CCSER1: variants seen among roughly 807,000 people sequenced by gnomAD.
The protein encoded by CCSER1 is serine-rich coiled-coil domain-containing protein 1.
In CCSER1, 41 loss-of-function variants were observed where a neutral mutation model predicts 82.0. The observed-to-expected ratio is 0.50, with a 90% CI of 0.39 to 0.65. The LOEUF (loss-of-function observed/expected upper bound fraction) is 0.65, where lower values mean the gene tolerates loss of function less well. Among genes scored for constraint, CCSER1 ranks in the 30% least tolerant of loss-of-function variants. The pLI is 0.00. For synonymous variants in CCSER1, 414 were observed against 383.9 expected (o/e 1.08, Z -0.92); for missense variants, 1,119 against 1,064.2 (o/e 1.05, Z -0.72).
intron 10 of CCSER1, among the ~76,000 whole-genome samples, chr4:91,540,502 G>T (rs1411226720): frequency 6.6e-6 from 1 of 152,020 alleles, no homozygotes; most frequent in Non-Finnish European, 1.5e-5. Context: ...CGAATGTGAG[G>T]CTTCTCTTTT....
intron 10 of CCSER1, among the ~76,000 whole-genome samples, chr4:91,131,952 A>T (rs1009121873): frequency 5.3e-5 from 8 of 151,858 alleles, no homozygotes; most frequent in Non-Finnish European, 1.2e-4. Context: ...ATACACCTTA[A>T]CTTCAAAATG....
chr4:90,151,682 T>G (rs1726880590), intron 1 of CCSER1, among the ~76,000 whole-genome samples: 1 of 152,146 alleles, frequency 6.6e-6, no homozygotes, highest in South Asian at 2.1e-4. Context: ...ATATTTTTAT[T>G]AAAACATAAT....
At chr4:91,353,738 G>A (rs367716248) in intron 10 of CCSER1, among the ~76,000 whole-genome samples, 106 of 151,832 alleles carry the variant, frequency 7.0e-4, no homozygotes, top group Middle Eastern at 3.4e-3. Flanking sequence ...CTAAGGTAGC[G>A]ATGAAGTTTT....
At chr4:90,134,869 A>G (rs948357504) in intron 1 of CCSER1, among the ~76,000 whole-genome samples, 1 of 152,202 alleles carries the variant, frequency 6.6e-6, no homozygotes, top group Non-Finnish European at 1.5e-5. Flanking sequence ...CATAGAAGTA[A>G]ATGGACAGAA....
intron 1 of CCSER1, among the ~76,000 whole-genome samples, chr4:90,277,384 C>T (rs1039643751): frequency 2.8e-4 from 42 of 151,996 alleles, no homozygotes; most frequent in African/African-American, 9.4e-4. Flanking sequence ...AAGCCAGAGG[C>T]CACACATTAC....
chr4:91,201,145 C>G (rs1193568231), intron 10 of CCSER1, among the ~76,000 whole-genome samples: 1 of 151,972 alleles, frequency 6.6e-6, no homozygotes, highest in Non-Finnish European at 1.5e-5. Context: ...ATGGTGCTCC[C>G]TACATAACTA....
chr4:90,876,230 A>G (rs973312843), intron 8 of CCSER1, among the ~76,000 whole-genome samples: 1 of 152,122 alleles, frequency 6.6e-6, no homozygotes, highest in Non-Finnish European at 1.5e-5. Flanking sequence ...TTTAGCTAAG[A>G]ATACTGATAA....
intron 10 of CCSER1, among the ~76,000 whole-genome samples, chr4:91,187,025 C>T (rs1291023574): frequency 2.0e-5 from 3 of 152,344 alleles, no homozygotes; most frequent in African/African-American, 7.2e-5. Context: ...CTGCTCCCAA[C>T]AGGAGTGTCC....
intron 4 of CCSER1, among the ~76,000 whole-genome samples, chr4:90,423,457 G>A (rs753797105): frequency 3.3e-5 from 5 of 151,984 alleles, no homozygotes; most frequent in Non-Finnish European, 4.4e-5. Flanking sequence ...ATCTCCTGAT[G>A]TCGTGATCTG....
chr4:90,758,010 C>T (rs1448835496), intron 7 of CCSER1, among the ~76,000 whole-genome samples: 2 of 149,226 alleles, frequency 1.3e-5, no homozygotes, highest in African/African-American at 5.0e-5. Context: ...GCAATCTTTG[C>T]TCAACTCAAC....
intron 1 of CCSER1, among the ~76,000 whole-genome samples, chr4:90,147,273 T>G (rs952569213): frequency 6.6e-6 from 1 of 152,146 alleles, no homozygotes; most frequent in Non-Finnish European, 1.5e-5. Context: ...TGAGATAGGT[T>G]TTTAATCCCC....
intron 9 of CCSER1, among the ~76,000 whole-genome samples, chr4:90,975,429 A>C (rs1314828304): frequency 6.6e-6 from 1 of 151,366 alleles, no homozygotes; most frequent in African/African-American, 2.4e-5. Context: ...CATATTGTGC[A>C]CCTTAAATAT....
intron 5 of CCSER1, among the ~76,000 whole-genome samples, chr4:90,537,246 A>G (rs1038907824): frequency 1.3e-5 from 2 of 152,104 alleles, no homozygotes; most frequent in African/African-American, 2.4e-5. Flanking sequence ...TTAATATTTT[A>G]TAATTTAAAT....
At chr4:91,418,700 C>G (rs1753521988) in intron 10 of CCSER1, among the ~76,000 whole-genome samples, 1 of 151,946 alleles carries the variant, frequency 6.6e-6, no homozygotes, top group Admixed American at 6.6e-5. Flanking sequence ...AGAAGAAACA[C>G]CTCCCAAACT....
At chr4:91,506,463 GT>G (rs761266193) in intron 10 of CCSER1, among the ~76,000 whole-genome samples, 21 of 151,198 alleles carry the variant, frequency 1.4e-4, no homozygotes, top group Non-Finnish European at 2.5e-4. Context: ...ATTTAAAGGA[GT>G]TTTTTTTTCT....
At chr4:90,146,275 G>C (rs1448423815) in intron 1 of CCSER1, among the ~76,000 whole-genome samples, 1 of 152,008 alleles carries the variant, frequency 6.6e-6, no homozygotes, top group Non-Finnish European at 1.5e-5. Context: ...AAGAACAGGA[G>C]ATCAGAGGAA....
At chr4:90,170,267 TG>T (rs1731379920) in intron 1 of CCSER1, among the ~76,000 whole-genome samples, 1 of 152,040 alleles carries the variant, frequency 6.6e-6, no homozygotes. Context: ...TCTATAGAAA[TG>T]GTACTTGGGC....
chr4:90,946,980 G>T (rs551335123), intron 9 of CCSER1, among the ~76,000 whole-genome samples: 1 of 151,952 alleles, frequency 6.6e-6, no homozygotes, highest in African/African-American at 2.4e-5. Flanking sequence ...CTAAGACTCA[G>T]ACTGGTGGAA....
At chr4:91,461,883 G>A (rs1445504488) in intron 10 of CCSER1, among the ~76,000 whole-genome samples, 1 of 152,112 alleles carries the variant, frequency 6.6e-6, no homozygotes, top group Non-Finnish European at 1.5e-5. Flanking sequence ...TCTGACTAAG[G>A]ACCATAGCCC....
Sources: gnomAD v4.1 joint callset for allele counts (sites outside exome capture counted in the v4.1 genomes callset) on GRCh38, gnomAD v4.1.1 for gene constraint, MANE v1.5 for transcripts, NCBI Gene and HGNC (gene_info 2026-07-23, HGNC 2026-07-21) for gene names.